Variants in SHISA9 observed in about 807,000 individuals in gnomAD.
SHISA9 encodes shisa family member 9.
In SHISA9, 13 loss-of-function variants were observed where a neutral mutation model predicts 38.0. The ratio of observed to expected loss-of-function variants is 0.34; its 90% CI spans 0.22 to 0.54. SHISA9 has a LOEUF of 0.54. Ranked by LOEUF, SHISA9 falls within the 20% of genes least tolerant of loss-of-function variation. SHISA9 has a pLI of 0.91. For missense variants in SHISA9, 538 were observed against 575.8 expected (o/e 0.93, Z 0.67); for synonymous variants, 275 against 242.0 (o/e 1.14, Z -1.27).
At chr16:13,451,994 G>C in the SHISA9 span, among the ~76,000 whole-genome samples, 86 of 152,308 alleles carry the variant, frequency 5.6e-4, no homozygotes, top group Non-Finnish European at 1.1e-3. Context: ...GTCAGGAGAT[G>C]CTGAAGGGAC....
At chr16:13,515,255 A>G in the SHISA9 span, among the ~76,000 whole-genome samples, 1 of 152,192 alleles carries the variant, frequency 6.6e-6, no homozygotes, top group East Asian at 1.9e-4. Flanking sequence ...CAAAATCTAA[A>G]TAATTCAGCA....
chr16:13,321,237 G>A, the SHISA9 span, among the ~76,000 whole-genome samples: 1 of 152,208 alleles, frequency 6.6e-6, no homozygotes, highest in Non-Finnish European at 1.5e-5. Context: ...TACACTAGCA[G>A]ACTCTAGTAT....
the SHISA9 span, among the ~76,000 whole-genome samples, chr16:13,549,964 A>C: frequency 6.6e-6 from 1 of 151,610 alleles, no homozygotes; most frequent in Non-Finnish European, 1.5e-5. Context: ...CAGAGGTTGC[A>C]GTGAGCCGAG....
intron 2 of SHISA9, among the ~76,000 whole-genome samples, chr16:13,133,841 G>A (rs2050325507): frequency 6.6e-6 from 1 of 152,134 alleles, no homozygotes; most frequent in African/African-American, 2.4e-5. Context: ...TAAATCAAAG[G>A]GGGTGTGAAA....
intron 2 of SHISA9, among the ~76,000 whole-genome samples, chr16:13,179,028 T>C (rs1049173230): frequency 6.6e-6 from 1 of 152,184 alleles, no homozygotes; most frequent in African/African-American, 2.4e-5. Flanking sequence ...TATAACAACA[T>C]CATCCCTCTA....
chr16:12,970,109 G>T (rs1357787737), intron 2 of SHISA9, among the ~76,000 whole-genome samples: 1 of 150,030 alleles, frequency 6.7e-6, no homozygotes, highest in Admixed American at 6.7e-5. Flanking sequence ...TTCCCTTTAT[G>T]TATTTAAATA....
chr16:13,495,509 G>C, the SHISA9 span, among the ~76,000 whole-genome samples: 1 of 151,888 alleles, frequency 6.6e-6, no homozygotes, highest in African/African-American at 2.4e-5. Flanking sequence ...CATTATATTG[G>C]CAGTGACTTT....
chr16:13,226,770 C>A (rs1180367619), intron 4 of SHISA9, among the ~76,000 whole-genome samples: 3 of 152,140 alleles, frequency 2.0e-5, no homozygotes, highest in Non-Finnish European at 4.4e-5. Context: ...CTGCAGTTAG[C>A]AGTTGGTTAG....
intron 2 of SHISA9, among the ~76,000 whole-genome samples, chr16:13,000,834 G>T (rs1053132113): frequency 3.9e-5 from 6 of 152,202 alleles, no homozygotes; most frequent in African/African-American, 1.4e-4. Context: ...AGACTGAGAG[G>T]CTACAATTTC....
At chr16:13,458,507 C>A in the SHISA9 span, 1 of 412,682 alleles carries the variant, frequency 2.4e-6, no homozygotes, top group Non-Finnish European at 4.8e-6. Flanking sequence ...CTAGAAAAAA[C>A]TCGATCAACA....
Position 13,235,938 on chromosome 16 carries a change from A to G in SHISA9, c.*529A>G, listed in dbSNP as rs2051379342. ...GTTGTTCTGGGAGGAATTTGCCCAC[A>G]TTAGAAGCATTTTTCTAATTCCAAG... On this transcript the variant is annotated 3_prime_UTR_variant, in exon 5 of 5. Coordinates refer to ENST00000558583, the MANE Select transcript of SHISA9 (RefSeq NM_001145204.3). 6.6e-6 allele frequency: 1 copy of G among 152,594 alleles called. No homozygotes were observed. The allele number at this position is 152,594 out of a possible 1,614,324, so 9.5% of individuals were successfully genotyped here. A position where few individuals can be genotyped will look rare whatever the true frequency, so the allele number is the denominator to read the frequency against.
At chr16:13,157,516 C>T (rs563610360) in intron 2 of SHISA9, among the ~76,000 whole-genome samples, 5 of 152,212 alleles carry the variant, frequency 3.3e-5, no homozygotes, top group African/African-American at 7.2e-5. Flanking sequence ...TACCCATTTT[C>T]GAAGATTTTC....
chr16:13,090,711 G>T (rs927718114), intron 2 of SHISA9, among the ~76,000 whole-genome samples: 23 of 152,302 alleles, frequency 1.5e-4, no homozygotes, highest in Non-Finnish European at 2.4e-4. Flanking sequence ...CACGTGAAAT[G>T]GGTCTCTTGA....
At chr16:13,106,116 A>T (rs889590971) in intron 2 of SHISA9, among the ~76,000 whole-genome samples, 6 of 152,186 alleles carry the variant, frequency 3.9e-5, no homozygotes, top group African/African-American at 1.4e-4. Context: ...TCACATAGCT[A>T]GTAAGTGGCA....
intron 2 of SHISA9, among the ~76,000 whole-genome samples, chr16:12,957,266 T>C (rs983776803): frequency 6.6e-6 from 1 of 152,244 alleles, no homozygotes; most frequent in Non-Finnish European, 1.5e-5. Flanking sequence ...CTTGGAAACA[T>C]AATTTATAAC....
the SHISA9 span, among the ~76,000 whole-genome samples, chr16:13,441,957 CCTCTA>C: frequency 6.6e-6 from 1 of 152,316 alleles, no homozygotes; most frequent in South Asian, 2.1e-4. Flanking sequence ...AATGCAGTTA[CCTCTA>C]CTCTGTATTT....
At chr16:13,352,318 G>A in the SHISA9 span, among the ~76,000 whole-genome samples, 9 of 152,292 alleles carry the variant, frequency 5.9e-5, no homozygotes, top group African/African-American at 2.2e-4. Context: ...GAGTTTATTT[G>A]ATGCTTTTGT....
At chr16:13,189,755 A>G (rs1455542256) in intron 2 of SHISA9, among the ~76,000 whole-genome samples, 2 of 152,232 alleles carry the variant, frequency 1.3e-5, no homozygotes, top group Admixed American at 6.5e-5. Context: ...GTATTTTTAC[A>G]TATGGTTAAT....
At chr16:12,973,909 C>A (rs1345449004) in intron 2 of SHISA9, among the ~76,000 whole-genome samples, 2 of 152,186 alleles carry the variant, frequency 1.3e-5, no homozygotes, top group Admixed American at 6.5e-5. Context: ...GTAACGTATT[C>A]TTCAAGCACC....
Sources: gnomAD v4.1 joint callset for allele counts (sites outside exome capture counted in the v4.1 genomes callset) on GRCh38, gnomAD v4.1.1 for gene constraint, MANE v1.5 for transcripts, NCBI Gene and HGNC (gene_info 2026-07-23, HGNC 2026-07-21) for gene names.